USP46: variants seen among roughly 807,000 people sequenced by gnomAD.
USP46 encodes ubiquitin carboxyl-terminal hydrolase 46.
Under a neutral mutation model 44.4 loss-of-function variants are expected in USP46, and 12 were observed. That is an observed-to-expected ratio of 0.27 (90% confidence interval 0.17 to 0.44). The LOEUF is 0.44. USP46 is among the 20% of genes least tolerant of loss of function. The pLI is 1.00. For missense variants in USP46, 248 were observed against 444.8 expected, an observed-to-expected ratio of 0.56 and a Z score of 3.98; for synonymous variants, 155 against 161.5, an observed-to-expected ratio of 0.96 and a Z score of 0.31.
At chr4:52,644,491 C>T (rs1439423313) in intron 1 of USP46, among the ~76,000 whole-genome samples, 18 of 152,176 alleles carry the variant, frequency 1.2e-4, no homozygotes, top group Admixed American at 1.2e-3. Context: ...CACCTGAGCT[C>T]TACCTCCGGT....
At chr4:52,604,469 C>T in intron 6 of USP46, 32 bp downstream of exon 6, 1 of 1,580,922 alleles carries the variant, frequency 6.3e-7, no homozygotes, top group Non-Finnish European at 8.7e-7. Context: ...TCTCACCACA[C>T]AAAGATAACC....
At chr4:52,622,066 T>C (rs942451022) in intron 4 of USP46, among the ~76,000 whole-genome samples, 1 of 152,134 alleles carries the variant, frequency 6.6e-6, no homozygotes, top group Non-Finnish European at 1.5e-5. Flanking sequence ...ACTAAGTAAA[T>C]GTCTAGAAAT....
chr4:52,601,446 CA>C (rs1298451715), intron 7 of USP46, among the ~76,000 whole-genome samples: 1 of 151,964 alleles, frequency 6.6e-6, no homozygotes, highest in African/African-American at 2.4e-5. Context: ...CTCAAAGTGC[CA>C]AAAAATTATT....
chr4:52,619,813 G>GA (rs77012563), intron 4 of USP46, among the ~76,000 whole-genome samples: 4 of 151,950 alleles, frequency 2.6e-5, no homozygotes, highest in Admixed American at 6.6e-5. Context: ...AGCACTGGTA[G>GA]AAAAAAAAGA....
Position 52,602,066 on chromosome 4 carries a change from A to C in USP46, c.723-12T>G. 6.2e-7 allele frequency: 1 copy of C among 1,607,418 alleles called. No individual in the cohort carries two copies. The highest frequency in any genetic ancestry group is 8.5e-7 in the Non-Finnish European group (1 of 1,176,266). On this transcript the variant is annotated splice_polypyrimidine_tract_variant and intron_variant, in intron 6 of 8. Coordinates refer to ENST00000441222, the MANE Select transcript of USP46 (RefSeq NM_022832.4). The stretch of plus-strand genomic sequence containing the variant: ...TTTTTACCCTCATCCTAAGAAACCA[A>C]GAAATAGAAAATCAGTTGTACCCAA...
intron 1 of USP46, among the ~76,000 whole-genome samples, chr4:52,641,274 C>T (rs759917639): frequency 3.4e-4 from 52 of 152,108 alleles, no homozygotes; most frequent in African/African-American, 8.4e-4. Flanking sequence ...TTCTTATTTC[C>T]ATCAGTAAAA....
chr4:52,648,514 C>T (rs574513376), intron 1 of USP46, among the ~76,000 whole-genome samples: 1 of 152,204 alleles, frequency 6.6e-6, no homozygotes, highest in African/African-American at 2.4e-5. Flanking sequence ...AAGTGATACA[C>T]AGATGTAGCA....
At position 52,609,919 on chromosome 4, in the gene USP46, T is replaced by C. The variant is rs1194716813; in HGVS notation, c.638+622A>G. On this transcript the variant is annotated intron_variant, in intron 5 of 8. Coordinates refer to ENST00000441222, the MANE Select transcript of USP46 (RefSeq NM_022832.4). ...ATTTCTTTTTTTTTTTTTTTTTTTT[T>C]TTTTTTTTTTTTTTTTTTTTTTTTG... 1.6e-4 allele frequency among the ~76,000 whole-genome samples: 14 copies of C among 85,962 alleles called. No homozygotes were observed. In the East Asian group the frequency reaches 4.3e-3, roughly 27 times the overall value. 56.4% of individuals were successfully genotyped at this position (85,962 alleles called of 152,430 possible).
At position 52,618,841 on chromosome 4, in the gene USP46, G is replaced by A. The variant is rs569037197; in HGVS notation, c.561+7177C>T. Among the ~76,000 whole-genome samples the A allele has an allele frequency of 5.3e-5, 8 of 152,262 alleles. No individual in the cohort carries two copies. The East Asian group carries it at 1.5e-3, about 29-fold the overall frequency. ...CTGCGAAAGCCTCAGAAACTCTACT[G>A]AATCAATTTGAACCTCTGCAAACAA... On this transcript the variant is annotated intron_variant, in intron 4 of 8. Transcript: ENST00000441222.
intron 4 of USP46, among the ~76,000 whole-genome samples, chr4:52,625,672 T>A (rs1717552128): frequency 6.6e-6 from 1 of 152,206 alleles, no homozygotes; most frequent in African/African-American, 2.4e-5. Context: ...GTGATGGTCC[T>A]GTTCTACATC....
Position 52,604,732 on chromosome 4 carries a change from T to C in USP46, c.639-148A>G, listed in dbSNP as rs534070585. 2.3e-4 allele frequency: 134 copies of C among 587,284 alleles called. 2 individuals are homozygous for C. In the South Asian group the frequency reaches 3.3e-3, roughly 14 times the overall value. The allele number at this position is 587,284 out of a possible 1,614,324, so 36.4% of individuals were successfully genotyped here. A position where few individuals can be genotyped will look rare whatever the true frequency, so the allele number is the denominator to read the frequency against. On this transcript the variant is annotated intron_variant, in intron 5 of 8. Coordinates refer to ENST00000441222, the MANE Select transcript of USP46 (RefSeq NM_022832.4). The stretch of plus-strand genomic sequence containing the variant: ...AAAAAAATCCTACTTAAGACTAGGA[T>C]GGTAGAGAAACTACAGGATGAAAAA...
intron 1 of USP46, chr4:52,656,481 C>A: frequency 6.9e-7 from 1 of 1,453,782 alleles, no homozygotes; most frequent in Admixed American, 2.6e-5. Context: ...TAAGGATTCC[C>A]ACTCCAGCCT....
At chr4:52,629,251 T>C (rs1717713696) in intron 2 of USP46, among the ~76,000 whole-genome samples, 2 of 152,230 alleles carry the variant, frequency 1.3e-5, no homozygotes, top group South Asian at 4.1e-4. Flanking sequence ...TTTTATATTT[T>C]AATCTACTTT....
intron 2 of USP46, among the ~76,000 whole-genome samples, chr4:52,630,068 T>C (rs1031108487): frequency 1.3e-5 from 2 of 152,212 alleles, no homozygotes; most frequent in Non-Finnish European, 2.9e-5. Flanking sequence ...CCAATTGTTT[T>C]TGAGTTAATA....
chr4:52,609,700 A>G (rs1716847326), intron 5 of USP46, among the ~76,000 whole-genome samples: 1 of 152,030 alleles, frequency 6.6e-6, no homozygotes, highest in African/African-American at 2.4e-5. Flanking sequence ...GAGGCACTTC[A>G]GAGATATCAG....
At position 52,593,121 on chromosome 4, in the gene USP46, T is replaced by G. The variant is rs542437752; in HGVS notation, c.*4519A>C. ...TTATCTTCATGTAAATATAAGGGAA[T>G]GGAAATGGAAGGCTTCATTTTTTTA... On this transcript the variant is annotated 3_prime_UTR_variant, in exon 9 of 9. Transcript: ENST00000441222. 83 of 395,444 alleles carry G rather than the reference T, an allele frequency of 2.1e-4. No homozygotes were observed. The highest frequency in any genetic ancestry group is 1.2e-3 in the Admixed American group (27 of 22,662). 24.5% of individuals were successfully genotyped at this position (395,444 alleles called of 1,614,324 possible).
In USP46 at chr4:52,632,990, A is replaced by AAAAGAAAAAGAAAG. The variant is rs1717961084; in HGVS notation, c.37-1847_37-1846insCTTTCTTTTTCTTT. Among the ~76,000 whole-genome samples the AAAAGAAAAAGAAAG allele has an allele frequency of 5.6e-4, 37 of 66,336 alleles. 3 individuals are homozygous for AAAAGAAAAAGAAAG. The highest frequency in any genetic ancestry group is 1.0e-3 in the Non-Finnish European group (33 of 33,048). The allele number at this position is 66,336 out of a possible 152,430, so 43.5% of individuals were successfully genotyped here. A position where few individuals can be genotyped will look rare whatever the true frequency, so the allele number is the denominator to read the frequency against. On this transcript the variant is annotated intron_variant, in intron 1 of 8. Transcript: ENST00000441222. ...AAAGAAAGAAAGAAAGAAAGAAAAG[A>AAAAGAAAAAGAAAG]AAAGAAAGAAAGAAAGAAAGAAAGA...
chr4:52,650,527 G>C (rs1469630695), intron 1 of USP46, among the ~76,000 whole-genome samples: 2 of 152,154 alleles, frequency 1.3e-5, no homozygotes, highest in Non-Finnish European at 2.9e-5. Context: ...TAAGGTAAAA[G>C]AGTCTAAAAA....
At chr4:52,608,266 G>C (rs904371865) in intron 5 of USP46, among the ~76,000 whole-genome samples, 3 of 152,208 alleles carry the variant, frequency 2.0e-5, no homozygotes, top group African/African-American at 7.2e-5. Context: ...TCGTGTCCAA[G>C]TTAATGTCTA....
Sources: gnomAD v4.1 joint callset for allele counts (sites outside exome capture counted in the v4.1 genomes callset) on GRCh38, gnomAD v4.1.1 for gene constraint, MANE v1.5 for transcripts, NCBI Gene and HGNC (gene_info 2026-07-23, HGNC 2026-07-21) for gene names.